The following EMSY variants were observed in gnomAD, a reference collection of about 807,000 sequenced individuals.
EMSY encodes the protein BRCA2-interacting transcriptional repressor EMSY.
Under a neutral mutation model 134.6 loss-of-function variants are expected in EMSY, and 26 were observed. The observed-to-expected ratio is 0.19, with a 90% CI of 0.14 to 0.27. The LOEUF (loss-of-function observed/expected upper bound fraction) is 0.27. EMSY is among the 10% of genes least tolerant of loss of function. EMSY has a pLI of 1.00. For missense variants in EMSY, 1,305 were observed against 1,611.4 expected, an observed-to-expected ratio of 0.81 and a Z score of 3.26; for synonymous variants, 579 against 577.8, an observed-to-expected ratio of 1.00 and a Z score of -0.03.
rs745781013 is a variant in EMSY at position 76,446,957 on chromosome 11, A to G, written c.19A>G (p.Thr7Ala). ...AGCAGCAATGCCTGTTGTGTGGCCA[A>G]CCCTTCTGGATCTCAGCAGGGATGA... Residue 7 changes from threonine (T) to alanine (A), a missense_variant, in exon 2 of 21, where the codon ACC becomes GCC. Thr to Ala is a moderately conservative substitution (Grantham distance 58). Coordinates refer to ENST00000334736, the Ensembl canonical transcript of EMSY. 150 of 1,613,492 alleles carry G rather than the reference A, an allele frequency of 9.3e-5. 1 individual carries two copies. In the South Asian group the frequency reaches 1.4e-3, roughly 15 times the overall value.
chr11:76,474,870 T>A (rs900341886), intron 8 of EMSY, among the ~76,000 whole-genome samples: 1 of 152,036 alleles, frequency 6.6e-6, no homozygotes, highest in Non-Finnish European at 1.5e-5. Flanking sequence ...TTCAAGCAAT[T>A]CTCCTGCCCC....
intron 9 of EMSY, among the ~76,000 whole-genome samples, chr11:76,497,906 AT>A (rs1320148818): frequency 6.6e-6 from 1 of 152,074 alleles, no homozygotes; most frequent in Non-Finnish European, 1.5e-5. Context: ...GGGAACTTAG[AT>A]TATTGATTCA....
intron 7 of EMSY, among the ~76,000 whole-genome samples, chr11:76,467,996 A>C (rs10160227): frequency 0.021 from 3,230 of 151,558 alleles, 112 homozygotes; most frequent in African/African-American, 0.073. Context: ...AAAAAACAAA[A>C]AAAAAAACTT....
chr11:76,453,063 C>G (rs1711930256), intron 3 of EMSY, among the ~76,000 whole-genome samples: 1 of 152,190 alleles, frequency 6.6e-6, no homozygotes, highest in Admixed American at 6.5e-5. Context: ...ACCTTGATAT[C>G]AGGCTGAATT....
At chr11:76,544,785 C>T (rs745811561) in exon 19 of EMSY, 13 of 1,614,106 alleles carry the variant, frequency 8.1e-6, no homozygotes, top group South Asian at 5.5e-5. Context: ...AGCCAAATGT[C>T]GCTCCCAGCT....
chr11:76,460,299 T>C (rs957440356), intron 6 of EMSY: 4 of 476,524 alleles, frequency 8.4e-6, no homozygotes, highest in Non-Finnish European at 1.5e-5. Flanking sequence ...TTCATTTTCA[T>C]TGTCTGTGGG....
intron 16 of EMSY, 151 bp from the exon 18 acceptor site, chr11:76,539,448 T>A: frequency 1.4e-6 from 1 of 718,208 alleles, no homozygotes. Flanking sequence ...GAAAGCCATC[T>A]AGAATCTTTC....
At chr11:76,515,438 A>G (rs1950417878) in intron 10 of EMSY, among the ~76,000 whole-genome samples, 1 of 152,168 alleles carries the variant, frequency 6.6e-6, no homozygotes, top group Non-Finnish European at 1.5e-5. Flanking sequence ...AGAAAAGAAA[A>G]AAGTGTTAGA....
chr11:76,494,658 CCTTCCTTCCTTCCTTCCTT>C (rs1949560158), intron 8 of EMSY, among the ~76,000 whole-genome samples: 1 of 1,652 alleles, frequency 6.1e-4, no homozygotes, highest in Admixed American at 7.4e-3. Context: ...TCCCTTCCTT[CCTTCCTTCCTTCCTTCCTT>C]CCTTCCTTCC....
chr11:76,458,552 C>A, intron 5 of EMSY, 194 bp downstream of exon 6: 1 of 493,546 alleles, frequency 2.0e-6, no homozygotes, highest in Non-Finnish European at 3.3e-6. Context: ...TCCCTTTTGT[C>A]GAAGGTGTGA....
intron 9 of EMSY, among the ~76,000 whole-genome samples, chr11:76,502,359 T>C (rs1949901164): frequency 9.1e-6 from 1 of 109,590 alleles, no homozygotes; most frequent in East Asian, 2.6e-4. Flanking sequence ...ACAGATGACA[T>C]GATCCTTTAT....
At chr11:76,466,259 G>C (rs769712905) in intron 7 of EMSY, among the ~76,000 whole-genome samples, 2 of 152,110 alleles carry the variant, frequency 1.3e-5, no homozygotes, top group Non-Finnish European at 2.9e-5. Flanking sequence ...CTCTTCAGTT[G>C]CATGTTTATC....
chr11:76,527,040 C>G (rs1364703493), intron 13 of EMSY, among the ~76,000 whole-genome samples: 3 of 152,008 alleles, frequency 2.0e-5, no homozygotes, highest in African/African-American at 7.2e-5. Flanking sequence ...TTGCTTGAAC[C>G]CTTGAACAAT....
chr11:76,538,173 C>A (rs1390392981), intron 16 of EMSY, among the ~76,000 whole-genome samples: 1 of 152,120 alleles, frequency 6.6e-6, no homozygotes, highest in Non-Finnish European at 1.5e-5. Context: ...ACAAGTCAGC[C>A]ATAAATAACA....
intron 2 of EMSY, among the ~76,000 whole-genome samples, chr11:76,450,635 G>T (rs1947622318): frequency 1.3e-5 from 2 of 151,844 alleles, no homozygotes; most frequent in Non-Finnish European, 2.9e-5. Context: ...GGGACCACAG[G>T]CATGCACTAC....
chr11:76,535,378 T>G (rs1484610295), intron 14 of EMSY, among the ~76,000 whole-genome samples: 1 of 152,178 alleles, frequency 6.6e-6, no homozygotes, highest in African/African-American at 2.4e-5. Context: ...TTTCCTTCAG[T>G]AATTCAGCCA....
intron 8 of EMSY, among the ~76,000 whole-genome samples, chr11:76,484,315 ACAC>A (rs1326133457): frequency 6.6e-6 from 1 of 152,242 alleles, no homozygotes; most frequent in Admixed American, 6.5e-5. Flanking sequence ...TCTAAAATTG[ACAC>A]CCTAACATCA....
intron 14 of EMSY, among the ~76,000 whole-genome samples, chr11:76,531,804 A>G (rs952718536): frequency 6.6e-6 from 1 of 152,128 alleles, no homozygotes; most frequent in African/African-American, 2.4e-5. Context: ...ATAAGGAAAA[A>G]TCAATCTTTT....
chr11:76,491,274 A>G (rs949434581), intron 8 of EMSY, among the ~76,000 whole-genome samples: 1 of 148,326 alleles, frequency 6.7e-6, no homozygotes, highest in Non-Finnish European at 1.5e-5. Context: ...TCTAACTCCT[A>G]TGCTCAAGGG....
Sources: gnomAD v4.1 joint callset for allele counts (sites outside exome capture counted in the v4.1 genomes callset) on GRCh38, gnomAD v4.1.1 for gene constraint, MANE v1.5 for transcripts, NCBI Gene and HGNC (gene_info 2026-07-23, HGNC 2026-07-21) for gene names.